Variants in SGCD observed in about 807,000 individuals in gnomAD.
SGCD encodes sarcoglycan delta.
A neutral mutation model predicts 36.6 loss-of-function variants in SGCD; 18 were observed. The ratio of observed to expected loss-of-function variants is 0.49; its 90% confidence interval spans 0.34 to 0.73. The LOEUF is 0.73. SGCD is among the 30% of genes least tolerant of loss of function. SGCD has a pLI of 0.01. For missense variants in SGCD, 387 were observed against 346.7 expected (o/e 1.12, Z -0.92); for synonymous variants, 133 against 130.6 (o/e 1.02, Z -0.12).
chr5:156,130,046 G>C (rs1762276774), intron 3 of SGCD, among the ~76,000 whole-genome samples: 1 of 152,126 alleles, frequency 6.6e-6, no homozygotes, highest in Admixed American at 6.5e-5. Flanking sequence ...TCTGCTTTTA[G>C]CTGTTTGAAG....
chr5:155,916,908 G>A (rs1217157926), intron 1 of SGCD, among the ~76,000 whole-genome samples: 1 of 152,104 alleles, frequency 6.6e-6, no homozygotes, highest in Non-Finnish European at 1.5e-5. Context: ...CTGAGATGAA[G>A]CCATTTGCCT....
At chr5:156,325,889 C>A (rs566548765), upstream of SGCD, among the ~76,000 whole-genome samples, 1 of 152,138 alleles carries the variant, frequency 6.6e-6, no homozygotes, top group Non-Finnish European at 1.5e-5. Flanking sequence ...AAATCTAATC[C>A]TGCTCAAAGT....
the SGCD span, among the ~76,000 whole-genome samples, chr5:155,859,291 T>G: frequency 6.6e-6 from 1 of 152,042 alleles, no homozygotes; most frequent in Non-Finnish European, 1.5e-5. Context: ...GGTCTCAAAC[T>G]CCTGGGCTCA....
chr5:155,835,331 A>G, the SGCD span, among the ~76,000 whole-genome samples: 1 of 152,248 alleles, frequency 6.6e-6, no homozygotes, highest in African/African-American at 2.4e-5. Context: ...TTTTGAAACA[A>G]AAACCTTTAT....
intron 3 of SGCD, among the ~76,000 whole-genome samples, chr5:156,363,913 T>C (rs1267879306): frequency 1.3e-5 from 2 of 152,192 alleles, no homozygotes; most frequent in African/African-American, 4.8e-5. Context: ...AAAAACTCAC[T>C]ACCTGTCACA....
chr5:155,868,369 T>TG (rs1755567441), upstream of SGCD, among the ~76,000 whole-genome samples: 1 of 148,228 alleles, frequency 6.7e-6, no homozygotes. Context: ...TCTTTTTTTT[T>TG]TTTTTTTTTT....
At chr5:156,280,915 C>G (rs1361514978) in intron 3 of SGCD, among the ~76,000 whole-genome samples, 3 of 152,100 alleles carry the variant, frequency 2.0e-5, no homozygotes, top group Admixed American at 1.3e-4. Context: ...TTAGAGCAAA[C>G]CCATAGAGCA....
intron 1 of SGCD, among the ~76,000 whole-genome samples, chr5:156,004,507 C>CAGACTGGA (rs1561679602): frequency 6.6e-6 from 1 of 152,164 alleles, no homozygotes; most frequent in Non-Finnish European, 1.5e-5. Context: ...TTCCCTGCCG[C>CAGACTGGA]AGACTGGAAC....
chr5:155,728,682 G>A, the SGCD span, among the ~76,000 whole-genome samples: 2 of 152,066 alleles, frequency 1.3e-5, no homozygotes, highest in Non-Finnish European at 2.9e-5. Flanking sequence ...CTATCCCGGA[G>A]GGCGCACCCG....
chr5:156,011,306 T>G, intron 1 of SGCD, among the ~76,000 whole-genome samples: 1 of 152,224 alleles, frequency 6.6e-6, no homozygotes. Context: ...AGGAAGGTAC[T>G]ACAGTATGCA....
chr5:156,262,007 A>T (rs182876555), intron 3 of SGCD, among the ~76,000 whole-genome samples: 1 of 152,330 alleles, frequency 6.6e-6, no homozygotes, highest in Non-Finnish European at 1.5e-5. Context: ...AAAGTTAAAA[A>T]ATTAAAAAGT....
At chr5:155,880,688 G>A in intron 1 of SGCD, among the ~76,000 whole-genome samples, 1 of 152,166 alleles carries the variant, frequency 6.6e-6, no homozygotes, top group East Asian at 1.9e-4. Flanking sequence ...GAAGTTTTCA[G>A]TAGCTTTAAC....
At chr5:155,913,057 G>A (rs1756664103) in intron 1 of SGCD, among the ~76,000 whole-genome samples, 1 of 152,106 alleles carries the variant, frequency 6.6e-6, no homozygotes, top group South Asian at 2.1e-4. Flanking sequence ...TATTGTCAAT[G>A]TCTTTTCAAA....
chr5:155,932,868 C>G (rs1757124372), intron 1 of SGCD, among the ~76,000 whole-genome samples: 1 of 152,062 alleles, frequency 6.6e-6, no homozygotes, highest in South Asian at 2.1e-4. Context: ...TTTAAGGTGA[C>G]CACCGTGAAA....
At chr5:156,139,840 G>A (rs1762535134) in intron 3 of SGCD, among the ~76,000 whole-genome samples, 2 of 152,228 alleles carry the variant, frequency 1.3e-5, no homozygotes, top group Admixed American at 1.3e-4. Flanking sequence ...ATGCAACATT[G>A]TTAAAGGGTA....
chr5:156,011,632 G>T (rs1470984033), intron 1 of SGCD, among the ~76,000 whole-genome samples: 1 of 152,070 alleles, frequency 6.6e-6, no homozygotes, highest in African/African-American at 2.4e-5. Context: ...TAAAGACAGG[G>T]TTTCACCATC....
intron 3 of SGCD, among the ~76,000 whole-genome samples, chr5:156,176,752 G>T (rs998016671): frequency 1.3e-5 from 2 of 152,236 alleles, no homozygotes; most frequent in East Asian, 3.9e-4. Flanking sequence ...AAAATTGTTG[G>T]TAAATTGCGA....
chr5:156,456,750 C>T (rs1754280583), intron 3 of SGCD, among the ~76,000 whole-genome samples: 1 of 152,128 alleles, frequency 6.6e-6, no homozygotes, highest in African/African-American at 2.4e-5. Flanking sequence ...TCTCCACAAC[C>T]ATAAGATTAT....
chr5:156,015,901 TTATA>T (rs138594984), intron 1 of SGCD, among the ~76,000 whole-genome samples: 11,251 of 147,624 alleles, frequency 0.076, 1,439 homozygotes, highest in African/African-American at 0.26. Flanking sequence ...CACATATATT[TTATA>T]TATATATATA....
Sources: allele counts gnomAD v4.1 joint callset (sites outside exome capture counted in the v4.1 genomes callset), GRCh38; gene constraint gnomAD v4.1.1; transcripts MANE v1.5; gene names NCBI Gene and HGNC (gene_info 2026-07-23, HGNC 2026-07-21).